Variants in SESN1 observed in about 807,000 individuals in gnomAD.
The protein encoded by SESN1 is sestrin 1, also known as sestrin-1.
Under a neutral mutation model 59.3 loss-of-function variants are expected in SESN1, and 30 were observed. The ratio of observed to expected loss-of-function variants is 0.51; its 90% CI spans 0.38 to 0.69. The LOEUF is 0.69. SESN1 is among the 30% of genes least tolerant of loss of function. The pLI, the probability that SESN1 is intolerant of heterozygous loss-of-function variation, is 0.00. For missense variants in SESN1, 566 were observed against 673.0 expected, an observed-to-expected ratio of 0.84 and a Z score of 1.76; for synonymous variants, 197 against 219.9, an observed-to-expected ratio of 0.90 and a Z score of 0.92.
intron 1 of SESN1, among the ~76,000 whole-genome samples, chr6:109,012,433 A>T (rs1215293805): frequency 6.6e-6 from 1 of 152,192 alleles, no homozygotes; most frequent in Non-Finnish European, 1.5e-5. Flanking sequence ...CATTGCCTCT[A>T]CATCTGTCCT....
At chr6:108,989,516 TAGAG>T (rs943645507) in intron 8 of SESN1, among the ~76,000 whole-genome samples, 2 of 148,348 alleles carry the variant, frequency 1.3e-5, no homozygotes, top group African/African-American at 5.0e-5. Flanking sequence ...TATATATATA[TAGAG>T]AGATATCTAT....
At chr6:109,087,873 G>A (rs1781239990) in intron 1 of SESN1, among the ~76,000 whole-genome samples, 1 of 145,750 alleles carries the variant, frequency 6.9e-6, no homozygotes, top group Non-Finnish European at 1.5e-5. Context: ...TACACATGCA[G>A]TTTTAATGGA....
At chr6:108,993,042 G>A in intron 6 of SESN1, 143 bp from the exon 7 acceptor site, 1 of 587,864 alleles carries the variant, frequency 1.7e-6, no homozygotes, top group Non-Finnish European at 3.0e-6. Flanking sequence ...ATTATACAAA[G>A]TAGTTTACTT....
chr6:109,027,554 T>G (rs1441477390), intron 1 of SESN1, among the ~76,000 whole-genome samples: 1 of 149,230 alleles, frequency 6.7e-6, no homozygotes, highest in African/African-American at 2.5e-5. Flanking sequence ...TTTTAGTCAA[T>G]CTAATGGGTG....
At chr6:109,090,881 T>G (rs560588195) in intron 1 of SESN1, among the ~76,000 whole-genome samples, 11 of 152,314 alleles carry the variant, frequency 7.2e-5, no homozygotes, top group Non-Finnish European at 1.6e-4. Flanking sequence ...GCGATCCTCC[T>G]GCCTTAGCCT....
At chr6:109,086,192 CT>C (rs1030390442) in intron 1 of SESN1, among the ~76,000 whole-genome samples, 1 of 152,042 alleles carries the variant, frequency 6.6e-6, no homozygotes, top group Admixed American at 6.5e-5. Context: ...AACCCCATCT[CT>C]ACTAAAAACT....
Position 108,998,658 on chromosome 6 carries a change from A to C in SESN1, c.827T>G (p.Phe276Cys). The C allele has an allele frequency of 1.9e-6, 3 of 1,613,988 alleles. No homozygotes were observed. The highest frequency in any genetic ancestry group is 2.5e-6 in the Non-Finnish European group (3 of 1,179,846). ...AATTTCTGGACTGATTCCACAGCCG[A>C]ATGTGAATGAGGCAAGAGAATGATA... ...THYHSLASFT[F>C]GCGISPEIHC... is the part of the protein sequence containing the mutation. Residue 276 changes from phenylalanine to cysteine, a missense_variant, in exon 5 of 10, where the codon TTC (phenylalanine) becomes TGC (cysteine). By Grantham distance (205) the Phe-to-Cys change is radical (BLOSUM62 -2). Transcript: ENST00000436639.
At chr6:108,989,550 G>T (rs1253821725) in intron 8 of SESN1, among the ~76,000 whole-genome samples, 7 of 104,224 alleles carry the variant, frequency 6.7e-5, no homozygotes, top group Non-Finnish European at 1.4e-4. Flanking sequence ...GATATCTCTA[G>T]ATCTAGATCT....
At chr6:109,081,023 T>C (rs1222634887) in intron 1 of SESN1, among the ~76,000 whole-genome samples, 5 of 151,690 alleles carry the variant, frequency 3.3e-5, no homozygotes, top group East Asian at 1.9e-4. Flanking sequence ...ATTATACATA[T>C]GCAAATATTC....
At chr6:109,038,066 C>T (rs1780275053) in intron 1 of SESN1, among the ~76,000 whole-genome samples, 1 of 152,150 alleles carries the variant, frequency 6.6e-6, no homozygotes, top group African/African-American at 2.4e-5. Context: ...TGGAAGGTTC[C>T]ATGCTAGAGA....
At chr6:109,001,112 TTC>T (rs1779611743) in intron 3 of SESN1, among the ~76,000 whole-genome samples, 174 bp downstream of exon 3, 1 of 152,218 alleles carries the variant, frequency 6.6e-6, no homozygotes, top group Non-Finnish European at 1.5e-5. Flanking sequence ...TTGCTTCTTT[TTC>T]TGTTATACTT....
intron 5 of SESN1, among the ~76,000 whole-genome samples, chr6:108,995,234 G>A (rs867867555): frequency 2.0e-5 from 3 of 152,214 alleles, no homozygotes; most frequent in East Asian, 1.9e-4. Context: ...GCAGAACTGC[G>A]TAAGATAACT....
intron 9 of SESN1, 137 bp downstream of exon 9, chr6:108,988,406 C>G: frequency 3.0e-6 from 2 of 672,724 alleles, no homozygotes; most frequent in South Asian, 2.6e-5. Context: ...GAAGGGGTAC[C>G]TGAGACAGCT....
chr6:109,009,364 C>G, intron 1 of SESN1: 2 of 1,469,998 alleles, frequency 1.4e-6, no homozygotes, highest in Non-Finnish European at 1.8e-6. Flanking sequence ...GGTACCTCGT[C>G]CTGGTCGCGG....
At chr6:109,031,494 C>A (rs1166412879) in intron 1 of SESN1, among the ~76,000 whole-genome samples, 2 of 152,174 alleles carry the variant, frequency 1.3e-5, no homozygotes, top group African/African-American at 4.8e-5. Context: ...GAGTTCAAGT[C>A]TTTCCCCTCT....
chr6:109,051,921 A>T (rs1238837236), intron 1 of SESN1, among the ~76,000 whole-genome samples: 1 of 152,216 alleles, frequency 6.6e-6, no homozygotes, highest in Non-Finnish European at 1.5e-5. Flanking sequence ...ATGAAGGAGC[A>T]GCCCTCTGGC....
In SESN1 at chr6:108,986,057, T is replaced by A. The variant is rs1779176738; in HGVS notation, c.*1487A>T. Among the ~76,000 whole-genome samples the A allele has an allele frequency of 1.3e-5, 2 of 151,408 alleles. No homozygotes were observed. Among genetic ancestry groups the A allele is most frequent in the South Asian group, 2.1e-4 (1 of 4,702 alleles). ...CACTAGATTGAGCTCAATAAATGTT[T>A]TGAGGAGTAACTAACAGAGTTATCA... On this transcript the variant is annotated 3_prime_UTR_variant, in exon 10 of 10. Coordinates refer to ENST00000436639, the MANE Select transcript of SESN1 (RefSeq NM_014454.3).
chr6:109,051,438 TA>T (rs762988617), intron 1 of SESN1, among the ~76,000 whole-genome samples: 4 of 152,202 alleles, frequency 2.6e-5, no homozygotes, highest in Non-Finnish European at 5.9e-5. Flanking sequence ...AGTAATACTA[TA>T]TGAATGGACT....
At chr6:109,046,424 G>A (rs10428778) in intron 1 of SESN1, among the ~76,000 whole-genome samples, 10 of 150,792 alleles carry the variant, frequency 6.6e-5, no homozygotes, top group Middle Eastern at 3.5e-3. Flanking sequence ...GCATGATCTC[G>A]GCTCACTACA....
Sources: allele counts gnomAD v4.1 joint callset (sites outside exome capture counted in the v4.1 genomes callset), GRCh38; gene constraint gnomAD v4.1.1; transcripts MANE v1.5; gene names NCBI Gene and HGNC (gene_info 2026-07-23, HGNC 2026-07-21).